Variants in STRN3 observed in about 807,000 individuals in gnomAD.
STRN3 encodes the protein striatin-3.
STRN3 carries 29 observed loss-of-function variants against 95.6 expected under a neutral mutation model. The observed-to-expected ratio is 0.30, with a 90% CI of 0.23 to 0.41. STRN3 has a LOEUF of 0.41. Among genes scored for constraint, STRN3 ranks in the 10% least tolerant of loss-of-function variants. STRN3 has a pLI of 1.00. For missense variants in STRN3, 890 were observed against 972.1 expected (o/e 0.92, Z 1.12); for synonymous variants, 331 against 357.6 (o/e 0.93, Z 0.84).
chr14:30,926,107 T>C (rs1383997364), intron 8 of STRN3, among the ~76,000 whole-genome samples: 1 of 152,116 alleles, frequency 6.6e-6, no homozygotes, highest in Non-Finnish European at 1.5e-5. Context: ...CACTGAATTC[T>C]GTATTAAAGA....
chr14:30,944,484 A>G (rs958567266), intron 5 of STRN3, among the ~76,000 whole-genome samples: 1 of 148,892 alleles, frequency 6.7e-6, no homozygotes, highest in African/African-American at 2.5e-5. Context: ...TATATACATA[A>G]TATATACACA....
chr14:30,924,287 CTTTTTTT>C (rs71112354), intron 8 of STRN3, among the ~76,000 whole-genome samples: 4 of 77,228 alleles, frequency 5.2e-5, no homozygotes, highest in Admixed American at 4.6e-4. Flanking sequence ...TGCCTTAAAT[CTTTTTTT>C]TTTTTTTTTT....
At chr14:30,903,091 T>C (rs983605257) in intron 15 of STRN3, among the ~76,000 whole-genome samples, 2 of 150,270 alleles carry the variant, frequency 1.3e-5, no homozygotes, top group African/African-American at 2.4e-5. Flanking sequence ...TCTTTAAAGA[T>C]GAGATTTTTT....
intron 1 of STRN3, among the ~76,000 whole-genome samples, chr14:30,968,651 C>T (rs1880666848): frequency 6.8e-6 from 1 of 147,646 alleles, no homozygotes; most frequent in South Asian, 2.2e-4. Context: ...CGCACTCCAG[C>T]CTGGGCGACA....
At chr14:30,943,873 G>C (rs1269513779) in intron 5 of STRN3, among the ~76,000 whole-genome samples, 1 of 152,062 alleles carries the variant, frequency 6.6e-6, no homozygotes, top group Non-Finnish European at 1.5e-5. Flanking sequence ...CCAGGGGCCG[G>C]AGGGAGGAGG....
At chr14:30,956,708 C>A (rs2139145374) in intron 1 of STRN3, among the ~76,000 whole-genome samples, 1 of 152,190 alleles carries the variant, frequency 6.6e-6, no homozygotes, top group East Asian at 1.9e-4. Flanking sequence ...CTTCACATAA[C>A]CTTGAAAGAA....
rs537231149 is a variant in STRN3, at chr14:30,941,486, C to A, written c.717-4862G>T. 9.8e-5 allele frequency among the ~76,000 whole-genome samples: 15 copies of A among 152,304 alleles called. No homozygotes were observed. The South Asian group carries it at 2.7e-3, about 27-fold the overall frequency. Reference sequence around the variant, plus strand: ...CTGCTGTTTTCATTTTATACAATAACCCCATCTTTCAGTTGTTTTATTTCT... The same window carrying A: ...CTGCTGTTTTCATTTTATACAATAAACCCATCTTTCAGTTGTTTTATTTCT... On this transcript the variant is annotated intron_variant, in intron 5 of 17. Transcript: ENST00000357479.
intron 1 of STRN3, among the ~76,000 whole-genome samples, chr14:30,987,661 T>G (rs1261551876): frequency 6.6e-6 from 1 of 152,148 alleles, no homozygotes; most frequent in Non-Finnish European, 1.5e-5. Flanking sequence ...TAATCAATAT[T>G]TGCATTCCAG....
At chr14:30,984,279 A>C (rs1200501710) in intron 1 of STRN3, among the ~76,000 whole-genome samples, 4 of 149,610 alleles carry the variant, frequency 2.7e-5, no homozygotes, top group Non-Finnish European at 6.0e-5. Context: ...AAAAAAAAAA[A>C]AAAAAAAAAA....
chr14:30,925,132 A>C (rs1178491411), intron 8 of STRN3, among the ~76,000 whole-genome samples: 1 of 149,026 alleles, frequency 6.7e-6, no homozygotes, highest in Non-Finnish European at 1.5e-5. Context: ...TCTCAATTAT[A>C]TTGTATATCT....
chr14:30,938,081 T>C (rs1000746241), intron 5 of STRN3, among the ~76,000 whole-genome samples: 9 of 150,434 alleles, frequency 6.0e-5, no homozygotes, highest in Non-Finnish European at 1.3e-4. Context: ...ATTTGTATTA[T>C]TTTATTTTTT....
intron 9 of STRN3, 149 bp downstream of exon 9, chr14:30,918,817 A>T: frequency 2.7e-6 from 2 of 736,750 alleles, no homozygotes; most frequent in Middle Eastern, 4.6e-4. Flanking sequence ...TCCCTAAATT[A>T]GTTACATCAA....
At chr14:31,018,467 G>A (rs375202169) in intron 1 of STRN3, 4 of 420,556 alleles carry the variant, frequency 9.5e-6, no homozygotes, top group South Asian at 5.1e-5. Context: ...CCTCCTGACT[G>A]TCACCGTCAC....
intron 3 of STRN3, among the ~76,000 whole-genome samples, chr14:30,951,855 C>T (rs1159793010): frequency 6.6e-6 from 1 of 152,150 alleles, no homozygotes; most frequent in Non-Finnish European, 1.5e-5. Flanking sequence ...CAATGGCTCA[C>T]GCCTGTAATC....
chr14:30,985,800 G>A (rs1362009691), intron 1 of STRN3, among the ~76,000 whole-genome samples: 1 of 152,134 alleles, frequency 6.6e-6, no homozygotes, highest in Non-Finnish European at 1.5e-5. Flanking sequence ...TTTTGCTAAT[G>A]TTTGCACACG....
At chr14:30,955,959 T>C (rs373073917) in intron 2 of STRN3, among the ~76,000 whole-genome samples, 180 bp downstream of exon 2, 1 of 152,192 alleles carries the variant, frequency 6.6e-6, no homozygotes. Context: ...CACATTTCAA[T>C]TGAATTATTT....
intron 14 of STRN3, 125 bp from the exon 15 acceptor site, chr14:30,905,683 A>AT: frequency 2.0e-6 from 2 of 990,244 alleles, no homozygotes; most frequent in Non-Finnish European, 2.9e-6. Context: ...ACTGTTAATA[A>AT]TGAAAAGGAA....
At chr14:30,959,502 A>C (rs1880083594) in intron 1 of STRN3, among the ~76,000 whole-genome samples, 1 of 151,278 alleles carries the variant, frequency 6.6e-6, no homozygotes, top group Non-Finnish European at 1.5e-5. Flanking sequence ...GTTATACCTG[A>C]TAGTGATAAT....
intron 1 of STRN3, among the ~76,000 whole-genome samples, chr14:30,966,375 C>A (rs1051921298): frequency 6.6e-6 from 1 of 152,124 alleles, no homozygotes; most frequent in Non-Finnish European, 1.5e-5. Context: ...TTTTGTGGCA[C>A]CGAAACTTTA....
Sources: gnomAD v4.1 joint callset for allele counts (sites outside exome capture counted in the v4.1 genomes callset) on GRCh38, gnomAD v4.1.1 for gene constraint, MANE v1.5 for transcripts, NCBI Gene and HGNC (gene_info 2026-07-23, HGNC 2026-07-21) for gene names.